RIN2: variants seen among roughly 807,000 people sequenced by gnomAD.
RIN2 encodes Ras and Rab interactor 2.
A neutral mutation model predicts 78.0 loss-of-function variants in RIN2; 36 were observed. That is an observed-to-expected ratio of 0.46 (90% CI 0.35 to 0.61). RIN2 has a LOEUF of 0.61. Among genes scored for constraint, RIN2 ranks in the 20% least tolerant of loss-of-function variants. The pLI is 0.00. For synonymous variants in RIN2, 466 were observed against 466.8 expected, an observed-to-expected ratio of 1.00 and a Z score of 0.02; for missense variants, 1,087 against 1,159.7, an observed-to-expected ratio of 0.94 and a Z score of 0.91.
chr20:19,879,930 G>A (rs995468101), intron 2 of RIN2, among the ~76,000 whole-genome samples: 1 of 152,016 alleles, frequency 6.6e-6, no homozygotes, highest in Admixed American at 6.6e-5. Context: ...TCATTTCTTT[G>A]GTATTTCAAA....
At chr20:19,881,535 C>T (rs1045887678) in intron 2 of RIN2, among the ~76,000 whole-genome samples, 1 of 152,174 alleles carries the variant, frequency 6.6e-6, no homozygotes, top group Non-Finnish European at 1.5e-5. Flanking sequence ...CTTCATAGCA[C>T]TGGTTGTCAT....
In RIN2 at chr20:19,883,791, A is replaced by C. The variant is rs142643972; in HGVS notation, c.-36-5775A>C. Among the ~76,000 whole-genome samples the C allele has an allele frequency of 1.6e-4, 25 of 152,000 alleles. 1 individual carries two copies. The East Asian group carries it at 4.7e-3, about 29-fold the overall frequency. Reference sequence around the variant, plus strand: ...AGTCTGTGAACCAGTTTTCCAAGGAAAGAAGGGATGGACTTCCACCAGAAT... The same window carrying C: ...AGTCTGTGAACCAGTTTTCCAAGGACAGAAGGGATGGACTTCCACCAGAAT... On this transcript the variant is annotated intron_variant, in intron 2 of 12. Transcript: ENST00000255006.
intron 5 of RIN2, 29 bp downstream of exon 5, chr20:19,956,836 T>C: frequency 6.6e-7 from 1 of 1,513,530 alleles, no homozygotes; most frequent in Non-Finnish European, 8.9e-7. Context: ...GGAAGCAGGT[T>C]GAAGCAGGCA....
At chr20:19,766,096 C>T (rs117965636) in intron 1 of RIN2, among the ~76,000 whole-genome samples, 24 of 152,222 alleles carry the variant, frequency 1.6e-4, no homozygotes, top group Non-Finnish European at 3.4e-4. Context: ...CCTGTCCTTC[C>T]CTCATGGTGG....
intron 3 of RIN2, among the ~76,000 whole-genome samples, chr20:19,916,720 A>G (rs2039700445): frequency 6.6e-6 from 1 of 152,226 alleles, no homozygotes; most frequent in Non-Finnish European, 1.5e-5. Flanking sequence ...CTGGAGACCA[A>G]CCCTGGACAT....
chr20:19,792,939 CTGTGTGTGTGTG>C (rs36049213), intron 1 of RIN2, among the ~76,000 whole-genome samples: 15 of 147,240 alleles, frequency 1.0e-4, no homozygotes, highest in East Asian at 4.0e-4. Flanking sequence ...TAAGCAGCCA[CTGTGTGTGTGTG>C]TGTGTGTGTG....
chr20:19,981,179 C>T (rs1041335624), intron 9 of RIN2, among the ~76,000 whole-genome samples: 3 of 152,172 alleles, frequency 2.0e-5, no homozygotes, highest in African/African-American at 4.8e-5. Context: ...GATGCAAGCG[C>T]GACTGACACG....
intron 2 of RIN2, among the ~76,000 whole-genome samples, chr20:19,884,566 A>T (rs924084665): frequency 2.5e-4 from 38 of 151,928 alleles, no homozygotes; most frequent in East Asian, 9.6e-4. Context: ...CAAACTTAAA[A>T]TTTTTTTTTA....
intron 3 of RIN2, among the ~76,000 whole-genome samples, 185 bp from the exon 4 acceptor site, chr20:19,934,914 C>G (rs370797612): frequency 2.0e-5 from 3 of 151,352 alleles, no homozygotes; most frequent in Non-Finnish European, 4.4e-5. Context: ...GAGAAGCTGC[C>G]TCCTCCCCCT....
chr20:19,870,509 C>T (rs1037156025), intron 2 of RIN2, among the ~76,000 whole-genome samples: 5 of 152,136 alleles, frequency 3.3e-5, no homozygotes, highest in East Asian at 3.9e-4. Context: ...TAGCCAGGCA[C>T]GATGGTGCAC....
intron 2 of RIN2, among the ~76,000 whole-genome samples, chr20:19,825,597 A>G (rs17371935): frequency 0.047 from 7,189 of 152,150 alleles, 214 homozygotes; most frequent in Middle Eastern, 0.088. Flanking sequence ...ATAGGTGCTC[A>G]CTTAAGCTGA....
chr20:19,955,484 G>C (rs148290802), intron 4 of RIN2, among the ~76,000 whole-genome samples: 4 of 151,988 alleles, frequency 2.6e-5, no homozygotes, highest in Non-Finnish European at 5.9e-5. Context: ...CTACAGGTGC[G>C]CATGACCACA....
At chr20:19,970,189 T>C (rs926392361) in intron 7 of RIN2, among the ~76,000 whole-genome samples, 9 of 152,352 alleles carry the variant, frequency 5.9e-5, no homozygotes, top group East Asian at 3.9e-4. Context: ...CTCTAAGAGC[T>C]TGGCAGAAAT....
chr20:19,964,755 C>T (rs749469502), intron 6 of RIN2, among the ~76,000 whole-genome samples, 197 bp from the exon 7 acceptor site: 2 of 152,168 alleles, frequency 1.3e-5, no homozygotes, highest in Admixed American at 6.5e-5. Flanking sequence ...ATGAGTCAAG[C>T]GATGAACTTC....
At chr20:19,770,766 A>AC (rs1434704883) in intron 1 of RIN2, among the ~76,000 whole-genome samples, 1 of 152,016 alleles carries the variant, frequency 6.6e-6, no homozygotes. Context: ...GCCTTCTGTG[A>AC]CCAAATGTGT....
intron 1 of RIN2, among the ~76,000 whole-genome samples, chr20:19,777,439 C>T (rs115752990): frequency 0.021 from 3,259 of 152,332 alleles, 143 homozygotes; most frequent in African/African-American, 0.075. Flanking sequence ...CACATTTCCC[C>T]TCCATGCCAG....
intron 2 of RIN2, among the ~76,000 whole-genome samples, chr20:19,861,748 A>G (rs1470451885): frequency 2.8e-5 from 4 of 144,776 alleles, no homozygotes; most frequent in African/African-American, 1.0e-4. Context: ...TCCATATCCG[A>G]TGATCACCCT....
chr20:19,853,322 G>C (rs1366062261), intron 2 of RIN2, among the ~76,000 whole-genome samples: 3 of 152,010 alleles, frequency 2.0e-5, no homozygotes, highest in Admixed American at 6.6e-5. Flanking sequence ...TTGCTATTGT[G>C]AATAATGCTG....
At chr20:19,933,950 A>G (rs1318431898) in intron 3 of RIN2, among the ~76,000 whole-genome samples, 5 of 152,110 alleles carry the variant, frequency 3.3e-5, no homozygotes, top group African/African-American at 7.2e-5. Context: ...CTGGGACTAC[A>G]GGCACGCACC....
Sources: allele counts gnomAD v4.1 joint callset (sites outside exome capture counted in the v4.1 genomes callset), GRCh38; gene constraint gnomAD v4.1.1; transcripts MANE v1.5; gene names NCBI Gene and HGNC (gene_info 2026-07-23, HGNC 2026-07-21).